RECK: variants seen among roughly 807,000 people sequenced by gnomAD.
The protein encoded by RECK is reversion inducing cysteine rich protein with kazal motifs.
In RECK, 69 loss-of-function variants were observed where a neutral mutation model predicts 115.1. That is an observed-to-expected ratio of 0.60 (90% CI 0.49 to 0.73). The LOEUF is 0.73. Among genes scored for constraint, RECK ranks in the 30% least tolerant of loss-of-function variants. The pLI, the probability that RECK is intolerant of heterozygous loss-of-function variation, is 0.00. For missense variants in RECK, 1,047 were observed against 1,203.7 expected (o/e 0.87, Z 1.93); for synonymous variants, 414 against 419.7 (o/e 0.99, Z 0.17).
chr9:36,062,927 GA>G (rs1479986798), intron 4 of RECK, among the ~76,000 whole-genome samples: 2 of 152,014 alleles, frequency 1.3e-5, no homozygotes, highest in Non-Finnish European at 2.9e-5. Flanking sequence ...CTGAGGTCAG[GA>G]GTTCAAGACC....
chr9:36,078,467 C>T (rs78729864), intron 6 of RECK, among the ~76,000 whole-genome samples: 2 of 152,130 alleles, frequency 1.3e-5, no homozygotes, highest in Non-Finnish European at 2.9e-5. Context: ...TAATCTTTTG[C>T]GGGAGGGAGA....
At chr9:36,100,232 C>G in intron 10 of RECK, 99 bp from the exon 11 acceptor site, 1 of 938,708 alleles carries the variant, frequency 1.1e-6, no homozygotes, top group Non-Finnish European at 1.6e-6. Context: ...CTTAAGAAAA[C>G]CAGATTTTTC....
chr9:36,090,550 G>A (rs1292138357), intron 9 of RECK, among the ~76,000 whole-genome samples: 1 of 152,050 alleles, frequency 6.6e-6, no homozygotes, highest in Non-Finnish European at 1.5e-5. Flanking sequence ...CTTTAGAAAT[G>A]GTATAAATGT....
At chr9:36,102,781 C>T (rs962906101) in intron 12 of RECK, among the ~76,000 whole-genome samples, 5 of 151,870 alleles carry the variant, frequency 3.3e-5, no homozygotes, top group African/African-American at 4.8e-5. Flanking sequence ...TGGTGAGACC[C>T]CGTCTCTACT....
intron 1 of RECK, among the ~76,000 whole-genome samples, chr9:36,049,795 T>C (rs890108345): frequency 6.6e-6 from 1 of 152,260 alleles, no homozygotes; most frequent in African/African-American, 2.4e-5. Flanking sequence ...CTGTATTTTC[T>C]TGAATTGTCT....
chr9:36,062,939 A>AGC, intron 4 of RECK, among the ~76,000 whole-genome samples: 1 of 152,056 alleles, frequency 6.6e-6, no homozygotes, highest in Admixed American at 6.5e-5. Context: ...GTTCAAGACC[A>AGC]GCCTGGTCAA....
chr9:36,068,753 C>T (rs1010015860), intron 6 of RECK, among the ~76,000 whole-genome samples: 5 of 152,178 alleles, frequency 3.3e-5, no homozygotes, highest in African/African-American at 9.7e-5. Context: ...AGGGACTATA[C>T]ACTTAGTATT....
At position 36,094,753 on chromosome 9, in the gene RECK, T is replaced by C. The variant is rs1053220430; in HGVS notation, c.1085+3410T>C. Among the ~76,000 whole-genome samples the C allele has an allele frequency of 6.6e-6, 1 of 152,188 alleles. No homozygotes were observed. The highest frequency in any genetic ancestry group is 2.4e-5 in the African/African-American group (1 of 41,450). On this transcript the variant is annotated intron_variant, in intron 10 of 20. Transcript: ENST00000377966. The surrounding 1 kb of genome is among the most constrained non-coding windows in gnomAD (Gnocchi z 4.1). ...TGAAGATACAATTAACCTAGATATA[T>C]ATGCACCTAATGTCAGATAGATGCA... is the stretch of plus-strand genomic sequence containing the variant.
rs1043692914 is a variant in RECK at position 36,058,856 on chromosome 9, A to G, written c.189A>G (p.Leu63=). ...QIFSSKSESR[L]KHLLQRAPDY... ...TCTCCTCAAAAAGTGAATCCCGACT[A>G]AAACATCTGTTGCAGCGAGCCCCAG... Residue 63 remains leucine, a synonymous_variant, in exon 3 of 21, where the codon CTA becomes CTG. Coordinates refer to ENST00000377966, the MANE Select transcript of RECK (RefSeq NM_021111.3). 5 of 1,595,940 alleles carry G rather than the reference A, an allele frequency of 3.1e-6. No homozygotes were observed. The highest frequency in any genetic ancestry group is 4.3e-6 in the Non-Finnish European group (5 of 1,169,922).
Position 36,122,966 on chromosome 9 carries a change from G to A in RECK, c.2837G>A (p.Arg946Lys), listed in dbSNP as rs762679837. ...VSSSVPSAGV[R>K]ARPSCHSLLL... ...AGCAGTGTGCCATCGGCCGGTGTCA[G>A]GGCCAGGCCTTCTTGCCACTCCCTC... is the stretch of plus-strand genomic sequence containing the variant. Residue 946 changes from arginine (R) to lysine (K), a missense_variant, in exon 21 of 21, where the codon AGG becomes AAG. Transcript: ENST00000377966. The A allele has an allele frequency of 2.4e-5, 39 of 1,614,136 alleles. No homozygotes were observed. Among genetic ancestry groups the A allele is most frequent in the Non-Finnish European group, 3.3e-5 (39 of 1,180,032 alleles).
intron 1 of RECK, among the ~76,000 whole-genome samples, chr9:36,044,180 T>C (rs1820988197): frequency 6.6e-6 from 1 of 152,136 alleles, no homozygotes; most frequent in African/African-American, 2.4e-5. Flanking sequence ...TAGAATTCTT[T>C]CACCTCCTTG....
At chr9:36,093,465 GCT>G (rs768799531) in intron 10 of RECK, among the ~76,000 whole-genome samples, 1 of 152,046 alleles carries the variant, frequency 6.6e-6, no homozygotes, top group Non-Finnish European at 1.5e-5. Flanking sequence ...AGATATGGAA[GCT>G]CTAAAAAAAA....
rs73648706 is a variant in RECK at position 36,073,391 on chromosome 9, C to A, written c.406-7214C>A. Reference sequence around the variant, plus strand: ...CCTGAGAGGTATTGTCTACTCTTTCCTCTTTCTCATCACCTCCTGCAAATT... The same window carrying A: ...CCTGAGAGGTATTGTCTACTCTTTCATCTTTCTCATCACCTCCTGCAAATT... On this transcript the variant is annotated intron_variant, in intron 6 of 20. Coordinates refer to ENST00000377966, the MANE Select transcript of RECK (RefSeq NM_021111.3). 4.8e-3 allele frequency among the ~76,000 whole-genome samples: 738 copies of A among 152,202 alleles called. 4 individuals are homozygous for A. The highest frequency in any genetic ancestry group is 0.017 in the African/African-American group (712 of 41,520).
intron 2 of RECK, among the ~76,000 whole-genome samples, chr9:36,053,315 A>T (rs1344058363): frequency 6.6e-6 from 1 of 152,196 alleles, no homozygotes; most frequent in Non-Finnish European, 1.5e-5. Flanking sequence ...CTCGAGAAAC[A>T]ATAGTCTCAA....
At chr9:36,096,334 C>T (rs1823338710) in intron 10 of RECK, among the ~76,000 whole-genome samples, 1 of 151,856 alleles carries the variant, frequency 6.6e-6, no homozygotes, top group Non-Finnish European at 1.5e-5. Flanking sequence ...GTCAAGAGTT[C>T]AAGACCAGCC....
intron 1 of RECK, among the ~76,000 whole-genome samples, chr9:36,044,960 AG>A (rs943862571): frequency 3.0e-4 from 46 of 152,352 alleles, no homozygotes; most frequent in African/African-American, 1.1e-3. Flanking sequence ...TGTTAAAAAA[AG>A]TAATCTGGCA....
intron 18 of RECK, among the ~76,000 whole-genome samples, chr9:36,119,199 C>T (rs1270456987): frequency 6.6e-6 from 1 of 152,166 alleles, no homozygotes; most frequent in African/African-American, 2.4e-5. Context: ...TTTTCTCAAG[C>T]TAAATCTTAC....
At position 36,118,854 on chromosome 9, in the gene RECK, A is replaced by T. The variant is rs199917585; in HGVS notation, c.2351A>T (p.Tyr784Phe). The T allele has an allele frequency of 1.2e-6, 2 of 1,613,990 alleles. No homozygotes were observed. Among genetic ancestry groups the T allele is most frequent in the African/African-American group, 1.3e-5 (1 of 74,918 alleles). The change falls in exon 18 of 21, where the codon TAT becomes TTT. Residue 784 changes from tyrosine (Y) to phenylalanine (F), a missense_variant. Physicochemically the swap from Tyr to Phe is conservative, Grantham distance 22. Transcript: ENST00000377966. The stretch of plus-strand genomic sequence containing the variant: ...TCGGATCGCGTGGCAGTCGATTACT[A>T]TGGGGACTGCCAGGCCGTCGGAGTC... Reference protein sequence around the residue: ...AYSDRVAVDYYGDCQAVGVLS... With the variant: ...AYSDRVAVDYFGDCQAVGVLS...
chr9:36,060,922 T>G (rs1744277496), intron 4 of RECK, among the ~76,000 whole-genome samples: 1 of 152,192 alleles, frequency 6.6e-6, no homozygotes, highest in South Asian at 2.1e-4. Context: ...TGAATGATAC[T>G]AGACTGGAAA....
Sources: allele counts gnomAD v4.1 joint callset (sites outside exome capture counted in the v4.1 genomes callset), GRCh38; gene constraint gnomAD v4.1.1; non-coding constraint Gnocchi (gnomAD v3.1); transcripts MANE v1.5; gene names NCBI Gene and HGNC (gene_info 2026-07-23, HGNC 2026-07-21).